Variants in CFAP69 observed in about 807,000 individuals in gnomAD.
CFAP69 encodes cilia- and flagella-associated protein 69.
Under a neutral mutation model 123.0 loss-of-function variants are expected in CFAP69, and 92 were observed. That is an observed-to-expected ratio of 0.75 (90% confidence interval 0.63 to 0.89). CFAP69 has a LOEUF of 0.89. Among genes scored for constraint, CFAP69 ranks in the 40% least tolerant of loss-of-function variants. The probability of loss-of-function intolerance (pLI) is 0.00; values close to 1 mark genes in which losing one functional copy is unlikely to be tolerated. For synonymous variants in CFAP69, 380 were observed against 364.3 expected, an observed-to-expected ratio of 1.04 and a Z score of -0.49; for missense variants, 1,067 against 1,096.9, an observed-to-expected ratio of 0.97 and a Z score of 0.39.
At chr7:90,257,956 C>T (rs1343032663) in intron 2 of CFAP69, 142 bp from the exon 3 acceptor site, 9 of 560,870 alleles carry the variant, frequency 1.6e-5, no homozygotes, top group Non-Finnish European at 2.8e-5. Flanking sequence ...TTTCAGAAAA[C>T]ATTTTATAAC....
chr7:90,255,364 A>C (rs1051411955), intron 1 of CFAP69, 59 bp from the exon 2 acceptor site: 1 of 1,317,606 alleles, frequency 7.6e-7, no homozygotes, highest in African/African-American at 1.5e-5. Flanking sequence ...TTAGTGTGTT[A>C]GATATGACTT....
chr7:90,294,165 T>A (rs1791594964), intron 15 of CFAP69, among the ~76,000 whole-genome samples: 1 of 152,200 alleles, frequency 6.6e-6, no homozygotes, highest in Non-Finnish European at 1.5e-5. Context: ...CAGCCCTATC[T>A]ACAATCTAAT....
intron 17 of CFAP69, 173 bp from the exon 18 acceptor site, chr7:90,303,796 G>C (rs1026250661): frequency 1.9e-5 from 23 of 1,190,396 alleles, no homozygotes; most frequent in African/African-American, 3.2e-5. Flanking sequence ...GAGTGGGGAA[G>C]AAATAGCTGC....
At chr7:90,279,953 C>CAGT in intron 12 of CFAP69, 60 bp downstream of exon 12, 3 of 1,267,588 alleles carry the variant, frequency 2.4e-6, no homozygotes, top group Non-Finnish European at 3.3e-6. Flanking sequence ...ACTGAATGCT[C>CAGT]AGTATATGCA....
intron 15 of CFAP69, among the ~76,000 whole-genome samples, chr7:90,294,558 G>A (rs1257774842): frequency 6.6e-6 from 1 of 152,210 alleles, no homozygotes; most frequent in African/African-American, 2.4e-5. Context: ...ATTGTGAAAA[G>A]AGAAAGCATG....
At chr7:90,265,456 A>T in intron 5 of CFAP69, 79 bp downstream of exon 5, 1 of 922,504 alleles carries the variant, frequency 1.1e-6, no homozygotes, top group South Asian at 1.5e-5. Context: ...ATTTTCCCCA[A>T]GTTTCACTAA....
intron 17 of CFAP69, chr7:90,302,985 G>A (rs1245825803): frequency 6.6e-6 from 1 of 152,050 alleles, no homozygotes; most frequent in East Asian, 1.9e-4. Flanking sequence ...TGTCATCTCT[G>A]ATTTCTTTAA....
rs142780625 is a variant in CFAP69, at chr7:90,297,886, G to A, written c.1857+56G>A. On this transcript the variant is annotated intron_variant, in intron 16 of 22. Transcript: ENST00000389297. The stretch of plus-strand genomic sequence containing the variant: ...AAGACAAATATGTCTATTAAAGGCC[G>A]TTTCCAAACTGAATGCCACAGAGCA... 6.3e-4 allele frequency: 719 copies of A among 1,135,128 alleles called. 5 individuals carry two copies. In the Admixed American group the frequency reaches 0.015, roughly 23 times the overall value. The allele number at this position is 1,135,128 out of a possible 1,614,324, so 70.3% of individuals were successfully genotyped here. A position where few individuals can be genotyped will look rare whatever the true frequency, so the allele number is the denominator to read the frequency against.
intron 9 of CFAP69, among the ~76,000 whole-genome samples, chr7:90,275,590 CT>C (rs57578763): frequency 7.3e-3 from 454 of 62,030 alleles, no homozygotes; most frequent in African/African-American, 0.027. Flanking sequence ...GGCCAAAAGC[CT>C]TTTTTTTTTT....
chr7:90,274,357 T>A (rs1318500914), intron 9 of CFAP69, among the ~76,000 whole-genome samples: 1 of 152,240 alleles, frequency 6.6e-6, no homozygotes, highest in Non-Finnish European at 1.5e-5. Context: ...TTTTCTTTCC[T>A]TCCTGATGAT....
the CFAP69 span, among the ~76,000 whole-genome samples, chr7:90,323,328 G>A: frequency 1.3e-5 from 2 of 152,110 alleles, no homozygotes; most frequent in African/African-American, 4.8e-5. Flanking sequence ...CAGGGAAAAG[G>A]CGGATGGAGG....
downstream of CFAP69, among the ~76,000 whole-genome samples, chr7:90,312,289 A>G (rs1794403731): frequency 6.6e-6 from 1 of 152,226 alleles, no homozygotes; most frequent in Non-Finnish European, 1.5e-5. Flanking sequence ...ACTTCATAAC[A>G]TGATAGATTT....
intron 2 of CFAP69, among the ~76,000 whole-genome samples, chr7:90,256,131 A>T (rs1020637722): frequency 6.6e-6 from 1 of 152,192 alleles, no homozygotes; most frequent in East Asian, 1.9e-4. Context: ...GTTGACCACA[A>T]ATGCCCATCA....
chr7:90,322,507 AC>A, the CFAP69 span: 2 of 151,930 alleles, frequency 1.3e-5, no homozygotes, highest in Admixed American at 1.3e-4. Flanking sequence ...ACATGTCCCC[AC>A]CCCCAAAGGA....
At chr7:90,268,473 G>A (rs1799479050) in intron 6 of CFAP69, 89 bp downstream of exon 6, 2 of 963,162 alleles carry the variant, frequency 2.1e-6, no homozygotes, top group Admixed American at 2.6e-5. Flanking sequence ...AGACACAGTG[G>A]GCTCATAAAT....
intron 14 of CFAP69, among the ~76,000 whole-genome samples, chr7:90,287,085 GAAAA>G (rs34727700): frequency 2.8e-5 from 3 of 107,302 alleles, no homozygotes; most frequent in Non-Finnish European, 3.6e-5. Context: ...GACTCCATCT[GAAAA>G]AAAAAAAAAA....
chr7:90,253,835 C>T (rs1797315682), intron 1 of CFAP69, among the ~76,000 whole-genome samples: 1 of 152,142 alleles, frequency 6.6e-6, no homozygotes, highest in Non-Finnish European at 1.5e-5. Flanking sequence ...CACTTTTTAG[C>T]TTGGTGTAAT....
intron 8 of CFAP69, among the ~76,000 whole-genome samples, chr7:90,273,172 A>G (rs1024575212): frequency 6.6e-6 from 1 of 152,180 alleles, no homozygotes; most frequent in African/African-American, 2.4e-5. Flanking sequence ...GTAACAGAAA[A>G]GTTTTGCATG....
chr7:90,261,883 C>A, intron 3 of CFAP69, 64 bp from the exon 4 acceptor site: 1 of 837,554 alleles, frequency 1.2e-6, no homozygotes, highest in Non-Finnish European at 1.8e-6. Flanking sequence ...CACAGAAATA[C>A]TATAAAGAAT....
Sources: allele counts gnomAD v4.1 joint callset (sites outside exome capture counted in the v4.1 genomes callset), GRCh38; gene constraint gnomAD v4.1.1; transcripts MANE v1.5; gene names NCBI Gene and HGNC (gene_info 2026-07-23, HGNC 2026-07-21).